The following COX7B2 variants were observed in gnomAD, a reference collection of about 807,000 sequenced individuals.
COX7B2 encodes cytochrome c oxidase subunit 7B2, mitochondrial.
For synonymous variants in COX7B2, 37 were observed against 32.1 expected (o/e 1.15, Z -0.51); for missense variants, 109 against 95.9 (o/e 1.14, Z -0.57).
At chr4:46,781,594 A>G (rs1251440599) in intron 2 of COX7B2, among the ~76,000 whole-genome samples, 1 of 152,158 alleles carries the variant, frequency 6.6e-6, no homozygotes, top group Non-Finnish European at 1.5e-5. Context: ...GGAGCCCTTC[A>G]GTGTGGAGCC....
At chr4:46,754,255 C>T (rs1231282252) in intron 2 of COX7B2, among the ~76,000 whole-genome samples, 1 of 151,718 alleles carries the variant, frequency 6.6e-6, no homozygotes, top group Non-Finnish European at 1.5e-5. Flanking sequence ...TATAAAGACA[C>T]ATGCACACGT....
chr4:46,838,116 G>A (rs17640893), intron 2 of COX7B2, among the ~76,000 whole-genome samples: 9,007 of 151,910 alleles, frequency 0.059, 335 homozygotes, highest in South Asian at 0.16. Context: ...AAAATTTGTG[G>A]GTTAATTTGT....
chr4:46,881,347 C>T (rs1577692615), intron 1 of COX7B2, among the ~76,000 whole-genome samples: 1 of 152,320 alleles, frequency 6.6e-6, no homozygotes, highest in African/African-American at 2.4e-5. Flanking sequence ...AGGGAGGGAG[C>T]TTCCAGGTCA....
At chr4:46,866,630 AG>A (rs1247224100) in intron 1 of COX7B2, among the ~76,000 whole-genome samples, 1 of 152,180 alleles carries the variant, frequency 6.6e-6, no homozygotes, top group East Asian at 1.9e-4. Flanking sequence ...CAATAGGACT[AG>A]TGGCTTTGCC....
At chr4:46,868,492 T>C (rs1212304678) in intron 1 of COX7B2, among the ~76,000 whole-genome samples, 6 of 152,192 alleles carry the variant, frequency 3.9e-5, no homozygotes, top group African/African-American at 9.6e-5. Flanking sequence ...ATCTAACTTT[T>C]TGATGTGGGC....
At chr4:46,891,325 T>C (rs745975897) in intron 1 of COX7B2, among the ~76,000 whole-genome samples, 2 of 152,102 alleles carry the variant, frequency 1.3e-5, no homozygotes, top group Non-Finnish European at 2.9e-5. Flanking sequence ...AGATGGTAAT[T>C]AAAACATAAT....
At chr4:46,764,500 G>C (rs911624897) in intron 2 of COX7B2, among the ~76,000 whole-genome samples, 1 of 151,854 alleles carries the variant, frequency 6.6e-6, no homozygotes, top group African/African-American at 2.4e-5. Flanking sequence ...CCGAGATCAG[G>C]CCACTGCACT....
intron 2 of COX7B2, among the ~76,000 whole-genome samples, chr4:46,823,259 T>A (rs1714433368): frequency 6.6e-6 from 1 of 151,808 alleles, no homozygotes; most frequent in Non-Finnish European, 1.5e-5. Context: ...AAAGCCTTGA[T>A]CTGTAGGTAG....
chr4:46,906,776 T>C (rs1253229008), intron 1 of COX7B2, among the ~76,000 whole-genome samples: 2 of 152,222 alleles, frequency 1.3e-5, no homozygotes, highest in African/African-American at 4.8e-5. Context: ...AATAGTTCCA[T>C]GCAGGAACTT....
At chr4:46,797,548 C>G (rs1276418122) in intron 2 of COX7B2, among the ~76,000 whole-genome samples, 1 of 152,114 alleles carries the variant, frequency 6.6e-6, no homozygotes, top group Non-Finnish European at 1.5e-5. Context: ...GTGGGAGAAG[C>G]CAAGCGGAAG....
intron 2 of COX7B2, among the ~76,000 whole-genome samples, chr4:46,788,498 G>C (rs1476117137): frequency 1.3e-5 from 2 of 152,094 alleles, no homozygotes; most frequent in Admixed American, 1.3e-4. Flanking sequence ...TGTTTGTAAG[G>C]AGTCAGAAAT....
chr4:46,835,834 C>G (rs1323974073), intron 2 of COX7B2, among the ~76,000 whole-genome samples: 2 of 152,204 alleles, frequency 1.3e-5, no homozygotes, highest in African/African-American at 2.4e-5. Flanking sequence ...CTCAATCATA[C>G]AGCCTACTAC....
intron 2 of COX7B2, among the ~76,000 whole-genome samples, chr4:46,806,517 ATAGT>A (rs930897882): frequency 3.9e-5 from 6 of 152,136 alleles, no homozygotes; most frequent in African/African-American, 1.2e-4. Context: ...ACCATTTCAT[ATAGT>A]TACTCAATTA....
intron 2 of COX7B2, among the ~76,000 whole-genome samples, chr4:46,808,755 GA>G (rs1397505167): frequency 6.6e-6 from 1 of 151,758 alleles, no homozygotes; most frequent in Non-Finnish European, 1.5e-5. Context: ...AAGGACGTTG[GA>G]GTACACCAGT....
chr4:46,739,777 G>A (rs978983411), intron 2 of COX7B2, among the ~76,000 whole-genome samples: 6 of 151,944 alleles, frequency 3.9e-5, no homozygotes, highest in Admixed American at 6.6e-5. Flanking sequence ...TGGTGAGCTC[G>A]GTAACACTAC....
chr4:46,778,803 C>T (rs1460442882), intron 2 of COX7B2, among the ~76,000 whole-genome samples: 2 of 152,046 alleles, frequency 1.3e-5, no homozygotes, highest in African/African-American at 4.8e-5. Flanking sequence ...ATCAGTGAAA[C>T]TAAATTTTCA....
chr4:46,767,059 G>C (rs1227099520), intron 2 of COX7B2, among the ~76,000 whole-genome samples: 1 of 152,140 alleles, frequency 6.6e-6, no homozygotes, highest in Admixed American at 6.5e-5. Flanking sequence ...CAATCAAAAG[G>C]TATGGAGTAA....
chr4:46,762,066 G>T (rs559715008), intron 2 of COX7B2, among the ~76,000 whole-genome samples: 1 of 150,218 alleles, frequency 6.7e-6, no homozygotes, highest in South Asian at 2.1e-4. Flanking sequence ...AACTTTCCTT[G>T]TTCCCTTTTT....
intron 1 of COX7B2, among the ~76,000 whole-genome samples, chr4:46,883,280 A>C (rs1718864355): frequency 1.3e-5 from 2 of 152,150 alleles, no homozygotes; most frequent in African/African-American, 4.8e-5. Flanking sequence ...TATTTACCTA[A>C]ATACTTTGTA....
Sources: allele counts gnomAD v4.1 joint callset (sites outside exome capture counted in the v4.1 genomes callset), GRCh38; gene constraint gnomAD v4.1.1; transcripts MANE v1.5; gene names NCBI Gene and HGNC (gene_info 2026-07-23, HGNC 2026-07-21).